WDR72: variants seen among roughly 807,000 people sequenced by gnomAD.
WDR72 encodes the protein WD repeat-containing protein 72.
WDR72 carries 120 observed loss-of-function variants against 124.2 expected under a neutral mutation model. The ratio of observed to expected loss-of-function variants is 0.97; its 90% confidence interval spans 0.83 to 1.12. The LOEUF is 1.12. Ranked by LOEUF, WDR72 falls within the 50% of genes most tolerant of loss-of-function variation. WDR72 has a pLI of 0.00. For missense variants in WDR72, 1,387 were observed against 1,278.8 expected, an observed-to-expected ratio of 1.08 and a Z score of -1.29; for synonymous variants, 452 against 441.7, an observed-to-expected ratio of 1.02 and a Z score of -0.29.
At chr15:53,629,857 C>T (rs2014354394) in intron 14 of WDR72, among the ~76,000 whole-genome samples, 1 of 152,140 alleles carries the variant, frequency 6.6e-6, no homozygotes, top group Non-Finnish European at 1.5e-5. Flanking sequence ...TGTTTGGAGA[C>T]CCTCAAAAAT....
upstream of WDR72, chr15:53,762,591 G>A (rs1262244832): frequency 6.6e-6 from 1 of 152,242 alleles, no homozygotes; most frequent in Non-Finnish European, 1.5e-5. Flanking sequence ...TAAGTCTGCA[G>A]GTTCTTATAT....
intron 1 of WDR72, among the ~76,000 whole-genome samples, chr15:53,738,757 C>A (rs1595883536): frequency 1.3e-5 from 2 of 152,148 alleles, no homozygotes; most frequent in Admixed American, 6.5e-5. Flanking sequence ...CAGGCACCCA[C>A]CACCATGCCT....
chr15:53,638,906 G>T (rs1906412), intron 14 of WDR72, among the ~76,000 whole-genome samples: 4 of 151,772 alleles, frequency 2.6e-5, no homozygotes, highest in African/African-American at 7.3e-5. Context: ...GGGAGGCAGA[G>T]GCAGGAGAAT....
intron 15 of WDR72, among the ~76,000 whole-genome samples, chr15:53,614,749 C>T (rs1444512434): frequency 1.3e-5 from 2 of 151,998 alleles, no homozygotes; most frequent in African/African-American, 2.4e-5. Context: ...AAGAATTTGA[C>T]AATCACCTAC....
At chr15:53,538,023 G>T (rs1339410569) in intron 18 of WDR72, among the ~76,000 whole-genome samples, 26 of 152,078 alleles carry the variant, frequency 1.7e-4, no homozygotes. Flanking sequence ...ATGGAAGGAA[G>T]TAAAAGTGAC....
intron 6 of WDR72, 132 bp downstream of exon 6, chr15:53,714,302 T>C (rs1362645004): frequency 2.6e-6 from 2 of 773,324 alleles, no homozygotes; most frequent in Non-Finnish European, 4.4e-6. Context: ...GGGAAATATA[T>C]GGAAGTAGAA....
intron 1 of WDR72, among the ~76,000 whole-genome samples, chr15:53,745,356 T>C (rs2018618424): frequency 6.6e-6 from 1 of 152,192 alleles, no homozygotes; most frequent in Non-Finnish European, 1.5e-5. Flanking sequence ...GAGTGTGAGA[T>C]TTCCTTCCTT....
intron 18 of WDR72, among the ~76,000 whole-genome samples, chr15:53,560,701 A>G (rs1310296805): frequency 6.6e-6 from 1 of 151,924 alleles, no homozygotes; most frequent in East Asian, 1.9e-4. Flanking sequence ...AGCAGTTTCA[A>G]TGACTGGAAT....
intron 1 of WDR72, among the ~76,000 whole-genome samples, chr15:53,751,710 A>T (rs78988378): frequency 1.1e-3 from 170 of 152,206 alleles, no homozygotes; most frequent in East Asian, 9.1e-3. Flanking sequence ...TTATTTTGTC[A>T]TCCAGGAAAG....
At chr15:53,620,736 A>C (rs2013959391) in intron 14 of WDR72, among the ~76,000 whole-genome samples, 1 of 152,110 alleles carries the variant, frequency 6.6e-6, no homozygotes, top group Non-Finnish European at 1.5e-5. Context: ...ACATCAGCCT[A>C]GGCAAGGATT....
At position 53,646,992 on chromosome 15, in the gene WDR72, T is replaced by C. The variant is rs375041453; in HGVS notation, c.1962+18580A>G. ...CAATATACAAAGGATTATCCTTTCTTGGTACAATGCAAAGGTAAGGACACT... is the reference window on the plus strand; with the variant it reads ...CAATATACAAAGGATTATCCTTTCTCGGTACAATGCAAAGGTAAGGACACT... On this transcript the variant is annotated intron_variant, in intron 14 of 19. Transcript: ENST00000360509. Among the ~76,000 whole-genome samples the C allele has an allele frequency of 9.2e-5, 14 of 152,250 alleles. No individual in the cohort carries two copies. In the East Asian group the frequency reaches 2.1e-3, roughly 23 times the overall value.
chr15:53,690,805 T>C (rs900809582), intron 13 of WDR72, among the ~76,000 whole-genome samples: 2 of 152,182 alleles, frequency 1.3e-5, no homozygotes, highest in African/African-American at 4.8e-5. Flanking sequence ...TTTTATTTCC[T>C]TTAGGTATAT....
At chr15:53,711,718 A>G (rs911946785) in intron 7 of WDR72, among the ~76,000 whole-genome samples, 1 of 152,214 alleles carries the variant, frequency 6.6e-6, no homozygotes, top group African/African-American at 2.4e-5. Context: ...TACACTAAAC[A>G]TAGAAACCCC....
chr15:53,738,068 A>G (rs956785576), intron 1 of WDR72, among the ~76,000 whole-genome samples: 2 of 152,222 alleles, frequency 1.3e-5, no homozygotes, highest in Non-Finnish European at 2.9e-5. Flanking sequence ...GAAACTAAAA[A>G]AAATTCTAAA....
chr15:53,716,838 G>A (rs988823001), intron 3 of WDR72, among the ~76,000 whole-genome samples, 153 bp from the exon 4 acceptor site: 4 of 139,880 alleles, frequency 2.9e-5, no homozygotes, highest in African/African-American at 1.3e-4. Flanking sequence ...TCATTAGCAG[G>A]GATGACATAC....
At chr15:53,667,043 T>C (rs1427873738) in intron 13 of WDR72, among the ~76,000 whole-genome samples, 1 of 152,206 alleles carries the variant, frequency 6.6e-6, no homozygotes, top group African/African-American at 2.4e-5. Context: ...TTCTAAGCTT[T>C]CCTTTTCCAC....
chr15:53,731,230 C>T (rs2018193562), intron 2 of WDR72, among the ~76,000 whole-genome samples: 1 of 152,028 alleles, frequency 6.6e-6, no homozygotes, highest in African/African-American at 2.4e-5. Context: ...GCCCGTCTTC[C>T]CCTCTGGCCT....
At chr15:53,717,532 T>C (rs1056927392) in intron 3 of WDR72, among the ~76,000 whole-genome samples, 32 of 152,148 alleles carry the variant, frequency 2.1e-4, no homozygotes, top group East Asian at 1.2e-3. Flanking sequence ...TAACCAACCA[T>C]GGGAACTCAA....
intron 14 of WDR72, among the ~76,000 whole-genome samples, chr15:53,655,100 G>A (rs1282261767): frequency 2.0e-5 from 3 of 151,642 alleles, no homozygotes; most frequent in Non-Finnish European, 4.4e-5. Context: ...GCGTGGTGGT[G>A]CACACCTGTA....
Sources: allele counts gnomAD v4.1 joint callset (sites outside exome capture counted in the v4.1 genomes callset), GRCh38; gene constraint gnomAD v4.1.1; transcripts MANE v1.5; gene names NCBI Gene and HGNC (gene_info 2026-07-23, HGNC 2026-07-21).